DLG1: variants seen among roughly 807,000 people sequenced by gnomAD.
DLG1 encodes discs large MAGUK scaffold protein 1.
DLG1 carries 42 observed loss-of-function variants against 123.4 expected under a neutral mutation model. The ratio of observed to expected loss-of-function variants is 0.34; its 90% CI spans 0.27 to 0.44. The LOEUF (loss-of-function observed/expected upper bound fraction) is 0.44, where lower values mean the gene tolerates loss of function less well. DLG1 is among the 20% of genes least tolerant of loss of function. The pLI, the probability that DLG1 is intolerant of heterozygous loss-of-function variation, is 1.00. For synonymous variants in DLG1, 317 were observed against 356.2 expected, an observed-to-expected ratio of 0.89 and a Z score of 1.24; for missense variants, 942 against 1,082.6, an observed-to-expected ratio of 0.87 and a Z score of 1.82.
At chr3:197,051,806 CTT>C (rs1169864448) in intron 23 of DLG1, 138 bp from the exon 24 acceptor site, 3 of 485,840 alleles carry the variant, frequency 6.2e-6, no homozygotes, top group South Asian at 4.7e-5. Context: ...TCATTAAAAA[CTT>C]GAGTCATTCT....
At chr3:197,168,169 C>T (rs559002090) in intron 5 of DLG1, among the ~76,000 whole-genome samples, 9 of 152,308 alleles carry the variant, frequency 5.9e-5, no homozygotes, top group Middle Eastern at 6.8e-3. Flanking sequence ...CTTCTTTAGA[C>T]GAGGATGTGA....
chr3:197,111,587 C>T (rs999401173), intron 13 of DLG1, among the ~76,000 whole-genome samples: 1 of 152,110 alleles, frequency 6.6e-6, no homozygotes, highest in Admixed American at 6.6e-5. Context: ...GAAATTTGAA[C>T]AGCTCAGCTG....
At chr3:197,291,820 G>A (rs1178269028) in intron 3 of DLG1, among the ~76,000 whole-genome samples, 1 of 152,050 alleles carries the variant, frequency 6.6e-6, no homozygotes, top group African/African-American at 2.4e-5. Context: ...ACACCTCACA[G>A]GATTACAATG....
At chr3:197,112,511 T>C (rs1360560651) in intron 13 of DLG1, among the ~76,000 whole-genome samples, 2 of 152,234 alleles carry the variant, frequency 1.3e-5, no homozygotes, top group Non-Finnish European at 2.9e-5. Flanking sequence ...GATATTTATA[T>C]ATTGTGGATA....
intron 5 of DLG1, among the ~76,000 whole-genome samples, chr3:197,155,708 A>G (rs1796104623): frequency 6.6e-6 from 1 of 152,100 alleles, no homozygotes; most frequent in African/African-American, 2.4e-5. Flanking sequence ...GCAGGCAGAG[A>G]TGGCTTGAGC....
Position 197,287,461 on chromosome 3 carries a change from G to A in DLG1, c.152-4616C>T, listed in dbSNP as rs1041460766. ...TGGGAATGTTTCCAAACGTATTAAG[G>A]GCAGAAAGCAGTATATTGATAAAGA... On this transcript the variant is annotated intron_variant, in intron 3 of 24. Coordinates refer to ENST00000667157, the MANE Select transcript of DLG1 (RefSeq NM_001366207.1). 1.1e-4 allele frequency among the ~76,000 whole-genome samples: 17 copies of A among 150,214 alleles called. No individual in the cohort carries two copies. In the East Asian group the frequency reaches 2.4e-3, roughly 21 times the overall value.
intron 4 of DLG1, among the ~76,000 whole-genome samples, chr3:197,253,626 G>C (rs1243691812): frequency 6.6e-6 from 1 of 152,130 alleles, no homozygotes; most frequent in South Asian, 2.1e-4. Flanking sequence ...CATTCATATA[G>C]AATTGCTGAA....
In DLG1 at chr3:197,245,900, T is replaced by TGG. The variant is rs34147802; in HGVS notation, c.318+36777_318+36778dup. The stretch of plus-strand genomic sequence containing the variant: ...GACATGGACAATACTTTTTTTTTTT[T>TGG]GGGGGGGGGGGAGGTGGCAAATGAA... On this transcript the variant is annotated intron_variant, in intron 4 of 24. Coordinates refer to ENST00000667157, the MANE Select transcript of DLG1 (RefSeq NM_001366207.1). 9.6e-3 allele frequency among the ~76,000 whole-genome samples: 814 copies of TGG among 85,216 alleles called. 38 individuals are homozygous for TGG. Among genetic ancestry groups the TGG allele is most frequent in the African/African-American group, 0.016 (336 of 20,920 alleles). 55.9% of individuals were successfully genotyped at this position (85,216 alleles called of 152,430 possible).
intron 4 of DLG1, among the ~76,000 whole-genome samples, chr3:197,276,202 C>T (rs1310586325): frequency 2.0e-5 from 3 of 152,186 alleles, no homozygotes; most frequent in African/African-American, 7.2e-5. Context: ...CATTAAATGG[C>T]TCTACCATAA....
intron 5 of DLG1, among the ~76,000 whole-genome samples, chr3:197,166,716 T>C (rs1801618043): frequency 6.6e-6 from 1 of 151,896 alleles, no homozygotes; most frequent in South Asian, 2.1e-4. Context: ...ATGATGAAAT[T>C]CTGTCTCTAC....
At chr3:197,095,734 AT>A (rs1760291622) in intron 14 of DLG1, among the ~76,000 whole-genome samples, 1 of 152,086 alleles carries the variant, frequency 6.6e-6, no homozygotes, top group South Asian at 2.1e-4. Flanking sequence ...CTCCATTCTC[AT>A]CAAACTTTCA....
chr3:197,157,680 T>C (rs530045880), intron 5 of DLG1, among the ~76,000 whole-genome samples: 3 of 152,162 alleles, frequency 2.0e-5, no homozygotes, highest in Admixed American at 6.5e-5. Flanking sequence ...TTCAAAGAAA[T>C]AGAATAACCC....
chr3:197,228,052 C>T (rs1306764575), intron 4 of DLG1, among the ~76,000 whole-genome samples: 1 of 152,198 alleles, frequency 6.6e-6, no homozygotes, highest in Non-Finnish European at 1.5e-5. Context: ...AATGTTCTTT[C>T]ATTTTAAAAC....
intron 4 of DLG1, among the ~76,000 whole-genome samples, chr3:197,195,468 G>C (rs1464053610): frequency 2.0e-4 from 31 of 152,000 alleles, no homozygotes. Flanking sequence ...CAAAGAAATG[G>C]AATCAACCAA....
chr3:197,162,962 G>A (rs977953718), intron 5 of DLG1, among the ~76,000 whole-genome samples: 3 of 152,144 alleles, frequency 2.0e-5, no homozygotes, highest in African/African-American at 7.2e-5. Flanking sequence ...CCTGATAAGG[G>A]TTTAATATCC....
intron 4 of DLG1, among the ~76,000 whole-genome samples, chr3:197,195,137 G>A (rs1447769933): frequency 1.3e-5 from 2 of 151,396 alleles, no homozygotes; most frequent in Non-Finnish European, 2.9e-5. Context: ...AGCTGAGAAG[G>A]CCTATGGCAT....
chr3:197,051,492 T>C lies in DLG1; in HGVS notation c.2575+85A>G. 3 of 1,054,574 alleles carry C rather than the reference T, an allele frequency of 2.8e-6. No individual in the cohort carries two copies. In the South Asian group the frequency reaches 3.9e-5, roughly 14 times the overall value. The allele number at this position is 1,054,574 out of a possible 1,614,324, so 65.3% of individuals were successfully genotyped here. On this transcript the variant is annotated intron_variant, in intron 24 of 24. Coordinates refer to ENST00000667157, the MANE Select transcript of DLG1 (RefSeq NM_001366207.1). Reference sequence around the variant, plus strand: ...TTACTACGGGTAGATGTAGGCATAGTTCAAAATCCACCTGAACGGGTCGGT... The same window carrying C: ...TTACTACGGGTAGATGTAGGCATAGCTCAAAATCCACCTGAACGGGTCGGT...
chr3:197,104,827 C>G, intron 14 of DLG1, 76 bp downstream of exon 14: 1 of 1,017,524 alleles, frequency 9.8e-7, no homozygotes, highest in Non-Finnish European at 1.5e-6. Flanking sequence ...GGAAGTTAAA[C>G]ATTATTAAAT....
At chr3:197,297,536 C>G in intron 1 of DLG1, 1 of 1,148,962 alleles carries the variant, frequency 8.7e-7, no homozygotes, top group Non-Finnish European at 1.1e-6. Context: ...AGTATCCACA[C>G]TCCCCACCTG....
Sources: gnomAD v4.1 joint callset for allele counts (sites outside exome capture counted in the v4.1 genomes callset) on GRCh38, gnomAD v4.1.1 for gene constraint, MANE v1.5 for transcripts, NCBI Gene and HGNC (gene_info 2026-07-23, HGNC 2026-07-21) for gene names.